Variants in BCAT1 observed in about 807,000 individuals in gnomAD.
BCAT1 encodes the protein branched chain amino acid transaminase 1, also known as branched-chain-amino-acid aminotransferase, cytosolic.
Under a neutral mutation model 52.4 loss-of-function variants are expected in BCAT1, and 48 were observed. The ratio of observed to expected loss-of-function variants is 0.92; its 90% CI spans 0.73 to 1.16. The LOEUF (loss-of-function observed/expected upper bound fraction) is 1.16. BCAT1 is among the 50% of genes most tolerant of loss of function. The pLI is 0.00. For missense variants in BCAT1, 451 were observed against 457.1 expected (o/e 0.99, Z 0.12); for synonymous variants, 167 against 161.3 (o/e 1.04, Z -0.27).
intron 1 of BCAT1, among the ~76,000 whole-genome samples, chr12:24,922,275 C>CT (rs988991549): frequency 3.9e-5 from 6 of 152,202 alleles, no homozygotes; most frequent in African/African-American, 1.4e-4. Flanking sequence ...AGCGATCCAC[C>CT]TGCCTCAGTC....
chr12:24,836,268 A>T (rs1940919533), intron 8 of BCAT1, among the ~76,000 whole-genome samples: 1 of 152,170 alleles, frequency 6.6e-6, no homozygotes, highest in Admixed American at 6.5e-5. Flanking sequence ...CTACTACTAG[A>T]ATACTTCTCC....
chr12:24,902,377 G>T (rs1051460883), intron 1 of BCAT1: 3 of 1,157,130 alleles, frequency 2.6e-6, no homozygotes, highest in Admixed American at 4.4e-5. Flanking sequence ...CTCCGATGCC[G>T]CAGCATCCAC....
chr12:24,882,488 T>G (rs561927400), intron 3 of BCAT1, among the ~76,000 whole-genome samples: 11 of 152,318 alleles, frequency 7.2e-5, no homozygotes, highest in Middle Eastern at 3.4e-3. Context: ...ATAACAGTAC[T>G]AAAGCTTCGG....
chr12:24,848,337 G>A (rs1191693710), intron 6 of BCAT1, among the ~76,000 whole-genome samples: 1 of 152,076 alleles, frequency 6.6e-6, no homozygotes, highest in Non-Finnish European at 1.5e-5. Flanking sequence ...GCATTAGTGT[G>A]GTCCACAAGT....
intron 1 of BCAT1, among the ~76,000 whole-genome samples, chr12:24,937,358 C>T (rs774611917): frequency 3.3e-5 from 5 of 152,048 alleles, no homozygotes; most frequent in Admixed American, 6.6e-5. Flanking sequence ...GAGGTGGAAA[C>T]GGCAAAACAA....
At chr12:24,875,199 A>C (rs1187343221) in intron 5 of BCAT1, among the ~76,000 whole-genome samples, 1 of 152,132 alleles carries the variant, frequency 6.6e-6, no homozygotes, top group Non-Finnish European at 1.5e-5. Context: ...CACATATCAA[A>C]TGTAGCCACC....
chr12:24,846,344 T>C (rs573024008), intron 6 of BCAT1, among the ~76,000 whole-genome samples: 138 of 152,338 alleles, frequency 9.1e-4, no homozygotes, highest in African/African-American at 3.2e-3. Context: ...ATTATTAATG[T>C]CCACAGGATA....
At position 24,875,964 on chromosome 12, in the gene BCAT1, A is replaced by G. The variant is rs189553729; in HGVS notation, c.510+2566T>C. ...AATATACCTAACCTACCAAACATCCATCGTATCTTAGCTTATCCTATCTTA... is the reference window on the plus strand; with the variant it reads ...AATATACCTAACCTACCAAACATCCGTCGTATCTTAGCTTATCCTATCTTA... On this transcript the variant is annotated intron_variant, in intron 5 of 10. Transcript: ENST00000261192. 5.4e-4 allele frequency among the ~76,000 whole-genome samples: 82 copies of G among 152,342 alleles called. 1 individual carries two copies. Among genetic ancestry groups the G allele is most frequent in the African/African-American group, 1.5e-3 (62 of 41,582 alleles).
intron 10 of BCAT1, among the ~76,000 whole-genome samples, chr12:24,822,367 C>T (rs1679303766): frequency 6.6e-6 from 1 of 152,020 alleles, no homozygotes. Flanking sequence ...GGAATTTTTC[C>T]CCTGAGCCAT....
At chr12:24,894,218 C>A (rs1450774749) in intron 3 of BCAT1, 57 bp downstream of exon 3, 4 of 1,547,562 alleles carry the variant, frequency 2.6e-6, no homozygotes, top group Admixed American at 1.7e-5. Flanking sequence ...GGAGAAGCTA[C>A]TTAGTACCCA....
intron 1 of BCAT1, among the ~76,000 whole-genome samples, chr12:24,909,341 G>T (rs1033899958): frequency 6.6e-6 from 1 of 152,108 alleles, no homozygotes; most frequent in Non-Finnish European, 1.5e-5. Context: ...CTGGAAAAGT[G>T]AGCCATAAAA....
At chr12:24,887,046 G>A (rs1224735878) in intron 3 of BCAT1, among the ~76,000 whole-genome samples, 4 of 89,336 alleles carry the variant, frequency 4.5e-5, no homozygotes, top group Non-Finnish European at 8.2e-5. Context: ...CTGGAAGAAC[G>A]AGAGAGATGC....
At position 24,881,240 on chromosome 12, in the gene BCAT1, G is replaced by T; in HGVS notation, c.390+61C>A. On this transcript the variant is annotated intron_variant, in intron 4 of 10. Transcript: ENST00000261192. ...ACTATTCAGAAATTATTTATTTGGTGGTCAACACCGTGACCCGTTACATTA... is the reference window on the plus strand; with the variant it reads ...ACTATTCAGAAATTATTTATTTGGTTGTCAACACCGTGACCCGTTACATTA... 2.6e-6 allele frequency: 3 copies of T among 1,175,218 alleles called. No individual in the cohort carries two copies. The South Asian group carries it at 4.0e-5, about 16-fold the overall frequency. 72.8% of individuals were successfully genotyped at this position (1,175,218 alleles called of 1,614,324 possible). A position where few individuals can be genotyped will look rare whatever the true frequency, so the allele number is the denominator to read the frequency against.
rs919934358 is a variant in BCAT1 at position 24,943,071 on chromosome 12, C to G, written c.6+5856G>C. On this transcript the variant is annotated intron_variant, in intron 1 of 10. Transcript: ENST00000261192. ...CTCTGAATAACTAAACCATTTCAGT[C>G]TTTTCTACCTGTCTTCCATGCTATA... 1.1e-4 allele frequency among the ~76,000 whole-genome samples: 16 copies of G among 152,342 alleles called. No individual in the cohort carries two copies. In the South Asian group the frequency reaches 2.3e-3, roughly 22 times the overall value.
Position 24,813,301 on chromosome 12 carries a change from G to A in BCAT1, c.*4707C>T, listed in dbSNP as rs957310493. On this transcript the variant is annotated 3_prime_UTR_variant, in exon 11 of 11. Transcript: ENST00000261192. ...TTCCACCTTTGAATCTTTAAAAGGG[G>A]TTTGTGGTAATGATAAAAAATTTAT... The A allele has an allele frequency of 1.3e-5, 2 of 151,940 alleles. No homozygotes were observed. Among genetic ancestry groups the A allele is most frequent in the African/African-American group, 4.8e-5 (2 of 41,404 alleles). The allele number at this position is 151,940 out of a possible 1,614,324, so 9.4% of individuals were successfully genotyped here.
At chr12:24,902,755 A>G in intron 1 of BCAT1, 1 of 813,872 alleles carries the variant, frequency 1.2e-6, no homozygotes, top group Non-Finnish European at 1.8e-6. Flanking sequence ...AGAGGTGGAG[A>G]TTGCAGGCTG....
At chr12:24,924,302 T>C (rs1197133495) in intron 1 of BCAT1, among the ~76,000 whole-genome samples, 1 of 152,194 alleles carries the variant, frequency 6.6e-6, no homozygotes, top group Non-Finnish European at 1.5e-5. Context: ...AATGATATAA[T>C]TAGATCAGTT....
chr12:24,887,847 A>G (rs78783003), intron 3 of BCAT1, among the ~76,000 whole-genome samples: 15 of 152,312 alleles, frequency 9.8e-5, no homozygotes, highest in Non-Finnish European at 2.2e-4. Flanking sequence ...ACCTTCAAAT[A>G]TTATCACTAT....
chr12:24,865,724 C>T (rs988183495), intron 5 of BCAT1, among the ~76,000 whole-genome samples: 9 of 151,992 alleles, frequency 5.9e-5, no homozygotes, highest in Non-Finnish European at 1.2e-4. Flanking sequence ...AACAATATAA[C>T]GGTTGATCAA....
Sources: allele counts gnomAD v4.1 joint callset (sites outside exome capture counted in the v4.1 genomes callset), GRCh38; gene constraint gnomAD v4.1.1; transcripts MANE v1.5; gene names NCBI Gene and HGNC (gene_info 2026-07-23, HGNC 2026-07-21).